Variants in RBFOX1 observed in about 807,000 individuals in gnomAD.
RBFOX1 encodes the protein RNA binding protein fox-1 homolog 1.
In RBFOX1, 8 loss-of-function variants were observed where a neutral mutation model predicts 57.7. That is an observed-to-expected ratio of 0.14 (90% confidence interval 0.08 to 0.25). The LOEUF (loss-of-function observed/expected upper bound fraction) is 0.25, where lower values mean the gene tolerates loss of function less well. Among genes scored for constraint, RBFOX1 ranks in the 10% least tolerant of loss-of-function variants. The pLI, the probability that RBFOX1 is intolerant of heterozygous loss-of-function variation, is 1.00. For missense variants in RBFOX1, 611 were observed against 548.5 expected, an observed-to-expected ratio of 1.11 and a Z score of -1.14; for synonymous variants, 326 against 222.4, an observed-to-expected ratio of 1.47 and a Z score of -4.15.
At chr16:5,466,566 C>T (rs886227987) in intron 1 of RBFOX1, among the ~76,000 whole-genome samples, 1 of 152,200 alleles carries the variant, frequency 6.6e-6, no homozygotes, top group African/African-American at 2.4e-5. Flanking sequence ...AGTTCAGGAG[C>T]TGGGGTGTTT....
chr16:6,637,564 T>TCTATATAGTATATATAGAATTG (rs756936561), intron 2 of RBFOX1, among the ~76,000 whole-genome samples: 1 of 128,474 alleles, frequency 7.8e-6, no homozygotes, highest in Non-Finnish European at 1.6e-5. Flanking sequence ...ATATATAATA[T>TCTATATAGTATATATAGAATTG]TCTATATAGT....
intron 1 of RBFOX1, among the ~76,000 whole-genome samples, chr16:6,034,013 A>C (rs367822416): frequency 1.3e-5 from 2 of 152,092 alleles, no homozygotes. Context: ...GCTATAACAA[A>C]ATGCTTATCC....
intron 4 of RBFOX1, among the ~76,000 whole-genome samples, chr16:7,180,219 G>T (rs912847689): frequency 6.6e-6 from 1 of 152,112 alleles, no homozygotes; most frequent in Non-Finnish European, 1.5e-5. Context: ...AGCATTTACT[G>T]TATTTCAGAT....
At chr16:6,112,686 C>T (rs1448260477) in intron 1 of RBFOX1, among the ~76,000 whole-genome samples, 4 of 152,018 alleles carry the variant, frequency 2.6e-5, no homozygotes, top group South Asian at 2.1e-4. Flanking sequence ...AGCAAAACTC[C>T]GTCTCAAAAA....
intron 2 of RBFOX1, among the ~76,000 whole-genome samples, chr16:6,595,122 A>G (rs1240386052): frequency 2.0e-5 from 3 of 152,152 alleles, no homozygotes; most frequent in South Asian, 2.1e-4. Flanking sequence ...GAGCTGGGCA[A>G]TCATCAACAC....
At chr16:5,988,540 C>G (rs1011273746) in intron 4 of RBFOX1, among the ~76,000 whole-genome samples, 2 of 152,144 alleles carry the variant, frequency 1.3e-5, no homozygotes, top group African/African-American at 4.8e-5. Flanking sequence ...TGATCAGAAC[C>G]ATCTGCTGTT....
intron 1 of RBFOX1, among the ~76,000 whole-genome samples, chr16:5,322,373 G>A (rs2064434940): frequency 6.6e-6 from 1 of 152,160 alleles, no homozygotes; most frequent in Non-Finnish European, 1.5e-5. Context: ...ACTGGCTTGT[G>A]TGTGTGCACG....
intron 3 of RBFOX1, among the ~76,000 whole-genome samples, chr16:6,830,410 T>A (rs77714903): frequency 6.6e-6 from 1 of 152,132 alleles, no homozygotes; most frequent in Non-Finnish European, 1.5e-5. Context: ...GAAGTAATAA[T>A]AGATCAATGA....
intron 10 of RBFOX1, among the ~76,000 whole-genome samples, chr16:7,619,690 G>A (rs1465403115): frequency 6.6e-6 from 1 of 152,206 alleles, no homozygotes; most frequent in African/African-American, 2.4e-5. Flanking sequence ...AAGATAAGAA[G>A]AGAGTATAGA....
chr16:6,772,218 T>C (rs2078410201), intron 3 of RBFOX1, among the ~76,000 whole-genome samples: 1 of 152,102 alleles, frequency 6.6e-6, no homozygotes, highest in African/African-American at 2.4e-5. Context: ...AGAAGTGGGC[T>C]AGTGGGGAGT....
At chr16:6,236,409 C>T (rs561473196) in intron 1 of RBFOX1, among the ~76,000 whole-genome samples, 4 of 151,970 alleles carry the variant, frequency 2.6e-5, no homozygotes, top group Admixed American at 6.6e-5. Context: ...AGGAAATACC[C>T]AGTAAATATT....
intron 1 of RBFOX1, among the ~76,000 whole-genome samples, chr16:6,072,588 C>A (rs1935358137): frequency 6.6e-6 from 1 of 151,556 alleles, no homozygotes; most frequent in African/African-American, 2.4e-5. Flanking sequence ...CAAAAGGGTT[C>A]CAGTTTTTCC....
At chr16:6,381,440 A>C (rs916914384) in intron 2 of RBFOX1, among the ~76,000 whole-genome samples, 1 of 152,214 alleles carries the variant, frequency 6.6e-6, no homozygotes, top group African/African-American at 2.4e-5. Flanking sequence ...AGTAAAATGC[A>C]ACGGGCTTGA....
intron 3 of RBFOX1, among the ~76,000 whole-genome samples, chr16:6,924,918 A>G (rs916968942): frequency 2.9e-5 from 4 of 138,410 alleles, no homozygotes; most frequent in Admixed American, 8.1e-5. Context: ...ATTCCTACCT[A>G]TGAGTGAGAA....
intron 2 of RBFOX1, among the ~76,000 whole-genome samples, chr16:6,403,819 A>G (rs993868204): frequency 6.6e-6 from 1 of 152,126 alleles, no homozygotes; most frequent in Non-Finnish European, 1.5e-5. Flanking sequence ...CCTGAGAATT[A>G]CTATATTTGA....
intron 3 of RBFOX1, among the ~76,000 whole-genome samples, chr16:5,837,233 T>A (rs559270252): frequency 5.7e-4 from 85 of 149,252 alleles, no homozygotes; most frequent in African/African-American, 1.9e-3. Context: ...TATATTCCAG[T>A]CCCGCTAGAC....
At chr16:6,339,970 C>T (rs753535855) in intron 2 of RBFOX1, among the ~76,000 whole-genome samples, 2 of 152,158 alleles carry the variant, frequency 1.3e-5, no homozygotes, top group Non-Finnish European at 2.9e-5. Flanking sequence ...AGCCACCGTG[C>T]CCAGCCCATC....
chr16:5,538,870 C>A (rs2044814393), intron 2 of RBFOX1, among the ~76,000 whole-genome samples: 1 of 152,122 alleles, frequency 6.6e-6, no homozygotes. Flanking sequence ...TCATGATCTG[C>A]CCACCTCAGC....
At chr16:6,590,555 C>G (rs2097696110) in intron 2 of RBFOX1, among the ~76,000 whole-genome samples, 1 of 152,150 alleles carries the variant, frequency 6.6e-6, no homozygotes, top group Non-Finnish European at 1.5e-5. Flanking sequence ...TAGTTTGTAA[C>G]TCATTTAGTG....
Sources: allele counts gnomAD v4.1 joint callset (sites outside exome capture counted in the v4.1 genomes callset), GRCh38; gene constraint gnomAD v4.1.1; transcripts MANE v1.5; gene names NCBI Gene and HGNC (gene_info 2026-07-23, HGNC 2026-07-21).